PTGER3: variants seen among roughly 807,000 people sequenced by gnomAD.
PTGER3 encodes prostaglandin E2 receptor EP3 subtype.
In PTGER3, 22 loss-of-function variants were observed where a neutral mutation model predicts 34.7. That is an observed-to-expected ratio of 0.63 (90% CI 0.45 to 0.91). PTGER3 has a LOEUF of 0.91. Among genes scored for constraint, PTGER3 ranks in the 40% least tolerant of loss-of-function variants. The pLI is 0.00. For synonymous variants in PTGER3, 241 were observed against 230.1 expected (o/e 1.05, Z -0.43); for missense variants, 468 against 519.4 (o/e 0.90, Z 0.96).
chr1:70,976,725 T>TA (rs1054039589), intron 2 of PTGER3, among the ~76,000 whole-genome samples: 3 of 152,138 alleles, frequency 2.0e-5, no homozygotes, highest in Non-Finnish European at 4.4e-5. Flanking sequence ...CCTTTGCCTT[T>TA]AATTTCATTT....
At chr1:71,017,242 C>T (rs1477803376) in intron 1 of PTGER3, among the ~76,000 whole-genome samples, 1 of 151,976 alleles carries the variant, frequency 6.6e-6, no homozygotes, top group East Asian at 1.9e-4. Context: ...GGAGAGATGA[C>T]TATAGAAGAA....
At chr1:70,920,871 ATTTTTGTATG>A (rs1647454533) in intron 4 of PTGER3, among the ~76,000 whole-genome samples, 1 of 88,808 alleles carries the variant, frequency 1.1e-5, no homozygotes, top group Admixed American at 1.2e-4. Context: ...AATCCTGACA[ATTTTTGTATG>A]TTGTTGTATG....
chr1:71,015,764 G>A (rs925645585), intron 1 of PTGER3, among the ~76,000 whole-genome samples: 1 of 152,176 alleles, frequency 6.6e-6, no homozygotes, highest in African/African-American at 2.4e-5. Flanking sequence ...AGACAAGAGA[G>A]AGAGGAAATA....
intron 4 of PTGER3, among the ~76,000 whole-genome samples, chr1:70,874,053 G>C (rs1646221884): frequency 6.6e-6 from 1 of 152,086 alleles, no homozygotes; most frequent in African/African-American, 2.4e-5. Context: ...AATAGTACTT[G>C]TTTTAGACCT....
intron 2 of PTGER3, among the ~76,000 whole-genome samples, chr1:70,981,716 C>T (rs1187192883): frequency 6.6e-6 from 1 of 151,994 alleles, no homozygotes; most frequent in Non-Finnish European, 1.5e-5. Flanking sequence ...GCCCATAATG[C>T]TGTTTCTATT....
At chr1:71,018,492 A>G (rs1658115256) in intron 1 of PTGER3, among the ~76,000 whole-genome samples, 2 of 152,262 alleles carry the variant, frequency 1.3e-5, no homozygotes, top group South Asian at 4.1e-4. Context: ...CTCTTTTTAT[A>G]AACTATTAGA....
intron 4 of PTGER3, among the ~76,000 whole-genome samples, chr1:70,861,578 A>G (rs1055949341): frequency 2.0e-5 from 3 of 152,200 alleles, no homozygotes; most frequent in African/African-American, 7.2e-5. Context: ...ATAAATTTGC[A>G]CAATCATTGT....
At chr1:70,950,517 T>C (rs1057003161), downstream of PTGER3, among the ~76,000 whole-genome samples, 1 of 152,166 alleles carries the variant, frequency 6.6e-6, no homozygotes, top group Non-Finnish European at 1.5e-5. Flanking sequence ...AGCAAGCGTA[T>C]TGGCAATCCA....
chr1:70,992,903 G>C (rs946716783), intron 2 of PTGER3, among the ~76,000 whole-genome samples: 2 of 152,144 alleles, frequency 1.3e-5, no homozygotes, highest in African/African-American at 4.8e-5. Flanking sequence ...GAATACTATA[G>C]CAACAGTATA....
chr1:70,902,907 C>A (rs1646870464), intron 4 of PTGER3, among the ~76,000 whole-genome samples: 2 of 152,208 alleles, frequency 1.3e-5, no homozygotes, highest in South Asian at 2.1e-4. Context: ...TGCTGGCCCC[C>A]CAAAAGATAT....
intron 4 of PTGER3, among the ~76,000 whole-genome samples, chr1:70,883,440 A>T (rs1263099055): frequency 6.6e-6 from 1 of 152,170 alleles, no homozygotes; most frequent in Non-Finnish European, 1.5e-5. Flanking sequence ...TTTTCTTTTG[A>T]AGTATACCAA....
At chr1:70,900,602 T>C (rs1046924459) in intron 4 of PTGER3, among the ~76,000 whole-genome samples, 11 of 152,072 alleles carry the variant, frequency 7.2e-5, no homozygotes, top group Non-Finnish European at 1.5e-4. Context: ...TTAAAGATCC[T>C]ATTTCTTTCT....
intron 4 of PTGER3, among the ~76,000 whole-genome samples, chr1:70,905,570 T>G (rs939882960): frequency 2.0e-5 from 3 of 152,072 alleles, no homozygotes; most frequent in Non-Finnish European, 4.4e-5. Context: ...AGCTTTAAGA[T>G]TTGACTGCCC....
At chr1:70,876,479 C>T (rs185707155) in intron 4 of PTGER3, among the ~76,000 whole-genome samples, 1 of 151,634 alleles carries the variant, frequency 6.6e-6, no homozygotes, top group East Asian at 1.9e-4. Flanking sequence ...AATATTTGTC[C>T]AGTTTTGTTT....
chr1:70,894,496 G>A (rs933016055), intron 4 of PTGER3, among the ~76,000 whole-genome samples: 7 of 151,996 alleles, frequency 4.6e-5, no homozygotes, highest in African/African-American at 1.7e-4. Context: ...AGAACACTTT[G>A]GTTGTCTGGT....
At chr1:70,913,042 T>G (rs1647094907) in intron 4 of PTGER3, among the ~76,000 whole-genome samples, 1 of 152,022 alleles carries the variant, frequency 6.6e-6, no homozygotes, top group South Asian at 2.1e-4. Flanking sequence ...CTGCTGGGAT[T>G]TTGTTTTAAA....
chr1:71,022,703 T>A (rs1557750635), intron 1 of PTGER3, among the ~76,000 whole-genome samples: 1 of 151,148 alleles, frequency 6.6e-6, no homozygotes, highest in Admixed American at 6.6e-5. Context: ...TCTCTCTCTC[T>A]TACACACACA....
intron 2 of PTGER3, among the ~76,000 whole-genome samples, chr1:70,993,659 G>A (rs1207720367): frequency 6.6e-6 from 1 of 152,186 alleles, no homozygotes; most frequent in African/African-American, 2.4e-5. Flanking sequence ...GAGTTTTCCA[G>A]TCTTTGAGAT....
At chr1:70,928,866 G>C (rs1271156680) in intron 4 of PTGER3, among the ~76,000 whole-genome samples, 5 of 95,148 alleles carry the variant, frequency 5.3e-5, no homozygotes, top group Non-Finnish European at 8.5e-5. Context: ...GGAATTTACA[G>C]ATACACACAC....
Sources: allele counts gnomAD v4.1 joint callset (sites outside exome capture counted in the v4.1 genomes callset), GRCh38; gene constraint gnomAD v4.1.1; transcripts MANE v1.5; gene names NCBI Gene and HGNC (gene_info 2026-07-23, HGNC 2026-07-21).